The following ARGFX variants were observed in gnomAD, a reference collection of about 807,000 sequenced individuals.
ARGFX encodes the protein arginine-fifty homeobox.
In ARGFX, 10 loss-of-function variants were observed where a neutral mutation model predicts 8.0. That is an observed-to-expected ratio of 1.25 (90% confidence interval 0.77 to 2.12). The LOEUF (loss-of-function observed/expected upper bound fraction) is 2.12. Among genes scored for constraint, ARGFX ranks in the 30% most tolerant of loss-of-function variants. The pLI is 0.00. For missense variants in ARGFX, 282 were observed against 324.3 expected, an observed-to-expected ratio of 0.87 and a Z score of 1.00; for synonymous variants, 116 against 117.8, an observed-to-expected ratio of 0.98 and a Z score of 0.10.
In ARGFX at chr3:121,580,606, A is replaced by ATATTTTTT. The variant is rs1227697987; in HGVS notation, c.220+3707_220+3708insATTTTTTT. ...TGTGTGTGTGTGTGTATATATATAT[A>ATATTTTTT]TTTTTTTTTTTTTTTTGAGATGAAG... On this transcript the variant is annotated intron_variant, in intron 3 of 4. Coordinates refer to ENST00000334384, the MANE Select transcript of ARGFX (RefSeq NM_001012659.2). Among the ~76,000 whole-genome samples the ATATTTTTT allele has an allele frequency of 4.6e-4, 53 of 115,212 alleles. 1 individual carries two copies. Among genetic ancestry groups the ATATTTTTT allele is most frequent in the African/African-American group, 1.3e-3 (40 of 31,420 alleles). 75.6% of individuals were successfully genotyped at this position (115,212 alleles called of 152,430 possible).
intron 3 of ARGFX, among the ~76,000 whole-genome samples, chr3:121,577,255 A>ATTTTT (rs1328015610): frequency 2.1e-4 from 12 of 56,148 alleles, no homozygotes; most frequent in African/African-American, 7.9e-4. Context: ...ATATATATAT[A>ATTTTT]TATATTTTTT....
At chr3:121,571,996 T>C (rs1317762292) in intron 2 of ARGFX, among the ~76,000 whole-genome samples, 4 of 150,692 alleles carry the variant, frequency 2.7e-5, no homozygotes, top group Admixed American at 2.6e-4. Flanking sequence ...GCCTGGCTAA[T>C]TTTTTTGTAT....
rs1015686954 is a variant in ARGFX, at chr3:121,589,319, T to C, written c.*2719T>C. On this transcript the variant is annotated 3_prime_UTR_variant, in exon 5 of 5. Coordinates refer to ENST00000334384, the MANE Select transcript of ARGFX (RefSeq NM_001012659.2). The stretch of plus-strand genomic sequence containing the variant: ...ATAGCTTCAAATACTTATATACATA[T>C]TTTTTAAAAGTAGCTTTACATAGGA... 6.6e-6 allele frequency among the ~76,000 whole-genome samples: 1 copy of C among 152,224 alleles called. No homozygotes were observed. The highest frequency in any genetic ancestry group is 2.4e-5 in the African/African-American group (1 of 41,470).
chr3:121,584,263 G>GA (rs1345061000), intron 3 of ARGFX, among the ~76,000 whole-genome samples: 1 of 148,100 alleles, frequency 6.8e-6, no homozygotes, highest in Non-Finnish European at 1.5e-5. Flanking sequence ...AGGAAGGAAG[G>GA]AAGGAAAGAA....
chr3:121,571,097 T>G (rs1443793803), intron 2 of ARGFX, among the ~76,000 whole-genome samples: 1 of 152,200 alleles, frequency 6.6e-6, no homozygotes, highest in Non-Finnish European at 1.5e-5. Context: ...AGATAGAAAC[T>G]GAGAAATCTC....
At chr3:121,577,226 C>CACATAT (rs2048744182) in intron 3 of ARGFX, among the ~76,000 whole-genome samples, 11 of 87,140 alleles carry the variant, frequency 1.3e-4, no homozygotes, top group African/African-American at 5.0e-4. Flanking sequence ...TCTACATGTA[C>CACATAT]ATATATATAT....
intron 3 of ARGFX, among the ~76,000 whole-genome samples, chr3:121,582,610 A>G (rs1385134822): frequency 6.6e-6 from 1 of 152,136 alleles, no homozygotes; most frequent in Non-Finnish European, 1.5e-5. Flanking sequence ...AGTTTTATCT[A>G]TAGTGTTTAT....
rs973609306 is a variant in ARGFX, at chr3:121,587,661, T to C, written c.*1061T>C. 2.0e-5 allele frequency among the ~76,000 whole-genome samples: 3 copies of C among 151,508 alleles called. No individual in the cohort carries two copies. Among genetic ancestry groups the C allele is most frequent in the Non-Finnish European group, 4.4e-5 (3 of 67,658 alleles). Reference sequence around the variant, plus strand: ...CATTTTGTTTCCAATTTTTCATTTTTTGTTTGTTATTTGTTTTTTGTAGAC... The same window carrying C: ...CATTTTGTTTCCAATTTTTCATTTTCTGTTTGTTATTTGTTTTTTGTAGAC... On this transcript the variant is annotated 3_prime_UTR_variant, in exon 5 of 5. Coordinates refer to ENST00000334384, the MANE Select transcript of ARGFX (RefSeq NM_001012659.2).
intron 3 of ARGFX, among the ~76,000 whole-genome samples, chr3:121,580,606 A>ATATAT (rs1227697987): frequency 1.1e-4 from 13 of 115,194 alleles, no homozygotes; most frequent in African/African-American, 2.9e-4. Flanking sequence ...ATATATATAT[A>ATATAT]TTTTTTTTTT....
chr3:121,576,698 TTTCTTTCTTTTTCTTTC>T, intron 2 of ARGFX, 69 bp from the exon 3 acceptor site: 2 of 261,214 alleles, frequency 7.7e-6, no homozygotes, highest in Non-Finnish European at 1.3e-5. Flanking sequence ...TTTCTTTCTC[TTTCTTTCTTTTTCTTTC>T]TTTCTTTCTT....
intron 3 of ARGFX, among the ~76,000 whole-genome samples, chr3:121,584,284 A>G (rs1344396307): frequency 1.3e-5 from 2 of 151,702 alleles, no homozygotes; most frequent in East Asian, 1.9e-4. Flanking sequence ...AAGAAGAGCA[A>G]AGCAAAGCAA....
At chr3:121,574,536 G>T (rs982828641) in intron 2 of ARGFX, among the ~76,000 whole-genome samples, 19 of 152,172 alleles carry the variant, frequency 1.2e-4, no homozygotes, top group Admixed American at 4.6e-4. Flanking sequence ...CCTCACCTGT[G>T]CAGTGCACAA....
chr3:121,582,202 G>T (rs908577678), intron 3 of ARGFX, among the ~76,000 whole-genome samples: 1 of 152,110 alleles, frequency 6.6e-6, no homozygotes, highest in Non-Finnish European at 1.5e-5. Context: ...AGTGTGGGGG[G>T]AAAGTGGTTA....
At chr3:121,581,781 TAGTCCC>T (rs1354444127) in intron 3 of ARGFX, among the ~76,000 whole-genome samples, 1 of 151,996 alleles carries the variant, frequency 6.6e-6, no homozygotes, top group Admixed American at 6.6e-5. Flanking sequence ...TGTGCACCTC[TAGTCCC>T]AGCTACTCGG....
At chr3:121,579,970 T>A (rs2048768373) in intron 3 of ARGFX, among the ~76,000 whole-genome samples, 1 of 119,926 alleles carries the variant, frequency 8.3e-6, no homozygotes, top group Non-Finnish European at 1.8e-5. Context: ...TTTTTTTTTT[T>A]TGAGACAGGT....
chr3:121,576,916 C>T lies in ARGFX; in HGVS notation c.220+16C>T. On this transcript the variant is annotated intron_variant, in intron 3 of 4. Coordinates refer to ENST00000334384, the MANE Select transcript of ARGFX (RefSeq NM_001012659.2). The stretch of plus-strand genomic sequence containing the variant: ...GCGACTACAGGTGCGTGCCACTACA[C>T]CCTCTTTTGTAGAGACGAGATTTCA... 1 of 315,538 alleles carries T rather than the reference C, an allele frequency of 3.2e-6. No homozygotes were observed. The highest frequency in any genetic ancestry group is 2.5e-5 in the South Asian group (1 of 39,686). 19.5% of individuals were successfully genotyped at this position (315,538 alleles called of 1,614,324 possible).
chr3:121,584,272 A>G lies in ARGFX; in HGVS notation c.221-645A>G, dbSNP rs867170995. Among the ~76,000 whole-genome samples the G allele has an allele frequency of 4.0e-5, 6 of 151,818 alleles. No individual in the cohort carries two copies. The South Asian group carries it at 1.0e-3, about 26-fold the overall frequency. On this transcript the variant is annotated intron_variant, in intron 3 of 4. Coordinates refer to ENST00000334384, the MANE Select transcript of ARGFX (RefSeq NM_001012659.2). Reference sequence around the variant, plus strand: ...GAAGGAAGGAAGGAAGGAAGGAAAGAAAAGAAGAGCAAAGCAAAGCAAAGC... The same window carrying G: ...GAAGGAAGGAAGGAAGGAAGGAAAGGAAAGAAGAGCAAAGCAAAGCAAAGC...
intron 3 of ARGFX, among the ~76,000 whole-genome samples, chr3:121,584,214 G>GGAAA: frequency 8.9e-6 from 1 of 112,824 alleles, no homozygotes; most frequent in Non-Finnish European, 2.0e-5. Flanking sequence ...GAGGAAGGAA[G>GGAAA]GAAGGAAGGA....
chr3:121,576,707 T>TTCTCTTTC (rs377124457), intron 2 of ARGFX, 77 bp from the exon 3 acceptor site: 5 of 249,036 alleles, frequency 2.0e-5, no homozygotes, highest in African/African-American at 8.0e-5. Context: ...CTTTCTTTCT[T>TTCTCTTTC]TTTCTTTCTT....
Sources: gnomAD v4.1 joint callset for allele counts (sites outside exome capture counted in the v4.1 genomes callset) on GRCh38, gnomAD v4.1.1 for gene constraint, MANE v1.5 for transcripts, NCBI Gene and HGNC (gene_info 2026-07-23, HGNC 2026-07-21) for gene names.